The following ZNF574 variants were observed in gnomAD, a reference collection of about 807,000 sequenced individuals.
ZNF574 encodes the protein zinc finger protein 574.
In ZNF574, 25 loss-of-function variants were observed where a neutral mutation model predicts 56.6. The ratio of observed to expected loss-of-function variants is 0.44; its 90% CI spans 0.32 to 0.62. ZNF574 has a LOEUF of 0.62. Among genes scored for constraint, ZNF574 ranks in the 20% least tolerant of loss-of-function variants. The pLI, the probability that ZNF574 is intolerant of heterozygous loss-of-function variation, is 0.04. For missense variants in ZNF574, 1,065 were observed against 1,218.9 expected, an observed-to-expected ratio of 0.87 and a Z score of 1.88; for synonymous variants, 543 against 492.1, an observed-to-expected ratio of 1.10 and a Z score of -1.37.
chr19:42,080,754 C>T lies in ZNF574; in HGVS notation c.2148C>T (p.Ala716=). The T allele has an allele frequency of 6.2e-7, 1 of 1,613,972 alleles. No homozygotes were observed. The highest frequency in any genetic ancestry group is 8.5e-7 in the Non-Finnish European group (1 of 1,180,038). ...RAPRATRAPV[A]SPAALGSTAT... ...CACGGGCCACTCGTGCACCAGTTGC[C>T]TCTCCAGCAGCCCTTGGAAGCACTG... The change falls in exon 2 of 2, where the codon GCC becomes GCT. Residue 716 remains alanine (A), a synonymous_variant. Coordinates refer to ENST00000359044, the MANE Select transcript of ZNF574 (RefSeq NM_022752.6). The surrounding 1 kb of genome is among the most constrained non-coding windows in gnomAD (Gnocchi z 8.5).
At chr19:42,068,561 C>T (rs1480575821) in exon 1 of ZNF574, 12 of 403,218 alleles carry the variant, frequency 3.0e-5, no homozygotes, top group Non-Finnish European at 5.2e-5. Context: ...GGAAGACAGC[C>T]TCCAAGCTCA....
upstream of ZNF574, among the ~76,000 whole-genome samples, chr19:42,075,738 G>C (rs1475116832): frequency 6.6e-6 from 1 of 151,894 alleles, no homozygotes; most frequent in Non-Finnish European, 1.5e-5. Context: ...AAGGTGCCGC[G>C]TGCCTCAATT....
rs139212245 is a variant in ZNF574 at position 42,079,478 on chromosome 19, G to A, written c.872G>A (p.Arg291His). ...GEAIGRDRRG[R>H]RARRNNSGEA... Reference sequence around the variant, plus strand: ...GCCATTGGGCGGGATCGCCGGGGGCGCAGGGCCCGGAGGAACAACAGTGGA... The same window carrying A: ...GCCATTGGGCGGGATCGCCGGGGGCACAGGGCCCGGAGGAACAACAGTGGA... The change falls in exon 2 of 2, where the codon CGC (arginine) becomes CAC (histidine). Residue 291 changes from arginine (R) to histidine (H), a missense_variant. Transcript: ENST00000359044. This position sits in a 1 kb window ranked among gnomAD's most constrained non-coding sequence, Gnocchi z 4.3. 2.3e-5 allele frequency: 37 copies of A among 1,613,392 alleles called. No individual in the cohort carries two copies. Among genetic ancestry groups the A allele is most frequent in the African/African-American group, 2.1e-4 (16 of 74,944 alleles).
Position 42,078,688 on chromosome 19 carries a change from C to T in ZNF574, c.82C>T (p.Leu28=). 1 of 1,614,130 alleles carries T rather than the reference C, an allele frequency of 6.2e-7. No homozygotes were observed. The highest frequency in any genetic ancestry group is 8.5e-7 in the Non-Finnish European group (1 of 1,179,996). ...TGAGTGCAACCAGCTGTATGGATCA[C>T]TGGAAGAGGTGCTTATGCACCAAAA... ...CSECNQLYGS[L]EEVLMHQNSH... Residue 28 remains leucine (L), a synonymous_variant, in exon 2 of 2, where the codon CTG becomes TTG. Coordinates refer to ENST00000359044, the MANE Select transcript of ZNF574 (RefSeq NM_022752.6).
chr19:42,080,542 CCCT>C lies in ZNF574; in HGVS notation c.1941_1943del (p.Ser648del). 1.2e-6 allele frequency: 2 copies of C among 1,613,308 alleles called. No homozygotes were observed. The highest frequency in any genetic ancestry group is 8.5e-7 in the Non-Finnish European group (1 of 1,179,808). On this transcript the variant is annotated inframe_deletion, in exon 2 of 2. Coordinates refer to ENST00000359044, the MANE Select transcript of ZNF574 (RefSeq NM_022752.6). The surrounding 1 kb of genome is among the most constrained non-coding windows in gnomAD (Gnocchi z 8.5). ...CTGCCCATCCTGTGGGGCTGCCTTC[CCCT>C]CCTCACTGCGGCTCCGGGAGCACCG...
chr19:42,068,671 G>A, exon 1 of ZNF574: 4 of 436,304 alleles, frequency 9.2e-6, no homozygotes, highest in Non-Finnish European at 1.6e-5. Flanking sequence ...GGGAAGCCAG[G>A]GTGGAGGAGT....
At chr19:42,068,958 C>T (rs755871191) in exon 1 of ZNF574, 17 of 610,092 alleles carry the variant, frequency 2.8e-5, no homozygotes, top group Admixed American at 1.6e-4. Context: ...GCCAGGGGCC[C>T]GGGGTAAGTG....
rs1425071782 is a variant in ZNF574 at position 42,080,277 on chromosome 19, C to T, written c.1671C>T (p.Gly557=). The stretch of plus-strand genomic sequence containing the variant: ...GGCCCTACCGGTGTGGGGACTGTGG[C>T]AAGGCTTTCACGCAAAGCTCCACAC... The part of the protein sequence containing the change: ...GERPYRCGDC[G]KAFTQSSTLR... Residue 557 remains glycine (G), a synonymous_variant, in exon 2 of 2, where the codon GGC becomes GGT. Coordinates refer to ENST00000359044, the MANE Select transcript of ZNF574 (RefSeq NM_022752.6). This position sits in a 1 kb window ranked among gnomAD's most constrained non-coding sequence, Gnocchi z 8.5. The T allele has an allele frequency of 1.9e-6, 3 of 1,614,128 alleles. No individual in the cohort carries two copies. Among genetic ancestry groups the T allele is most frequent in the Middle Eastern group, 1.6e-4 (1 of 6,062 alleles).
chr19:42,080,330 A>G lies in ZNF574; in HGVS notation c.1724A>G (p.Gln575Arg). 1 of 1,614,158 alleles carries G rather than the reference A, an allele frequency of 6.2e-7. No individual in the cohort carries two copies. Among genetic ancestry groups the G allele is most frequent in the Non-Finnish European group, 8.5e-7 (1 of 1,180,024 alleles). ...TLRQHRLVHAQHFPYRCQECG... is the reference protein window; with the variant it reads ...TLRQHRLVHARHFPYRCQECG... The stretch of plus-strand genomic sequence containing the variant: ...AGGCAGCACCGCTTGGTGCATGCCC[A>G]GCACTTCCCCTACCGCTGCCAGGAA... Residue 575 changes from glutamine to arginine, a missense_variant, in exon 2 of 2, where the codon CAG (glutamine) becomes CGG (arginine). By Grantham distance (43) the Gln-to-Arg change is conservative. Transcript: ENST00000359044. This position sits in a 1 kb window ranked among gnomAD's most constrained non-coding sequence, Gnocchi z 8.5.
upstream of ZNF574, among the ~76,000 whole-genome samples, chr19:42,075,412 C>T (rs955159348): frequency 9.2e-5 from 14 of 152,174 alleles, no homozygotes; most frequent in African/African-American, 3.4e-4. Flanking sequence ...CACCACACTC[C>T]CTATTTCTTC....
chr19:42,078,502 A>AGGTGGTC, intron 1 of ZNF574, 85 bp from the exon 2 acceptor site: 1 of 867,850 alleles, frequency 1.2e-6, no homozygotes, highest in Non-Finnish European at 1.5e-6. Context: ...GTGTAGATCT[A>AGGTGGTC]AGGTATTAGG....
In ZNF574 at chr19:42,078,749, G is replaced by A; in HGVS notation, c.143G>A (p.Gly48Asp). ...HVPQQHFELV[G>D]VADPGVTVAT... ...CCCCAGCAGCACTTTGAGCTGGTGG[G>A]CGTGGCTGATCCCGGAGTCACTGTG... Residue 48 changes from glycine to aspartate, a missense_variant, in exon 2 of 2, where the codon GGC (glycine) becomes GAC (aspartate). By Grantham distance (94) the Gly-to-Asp change is moderately conservative. Coordinates refer to ENST00000359044, the MANE Select transcript of ZNF574 (RefSeq NM_022752.6). The A allele has an allele frequency of 6.2e-7, 1 of 1,614,066 alleles. No homozygotes were observed. The highest frequency in any genetic ancestry group is 8.5e-7 in the Non-Finnish European group (1 of 1,179,972).
chr19:42,074,698 T>G (rs1308155691), upstream of ZNF574: 2 of 152,150 alleles, frequency 1.3e-5, no homozygotes, highest in Non-Finnish European at 2.9e-5. Context: ...GTTAGGGAAT[T>G]TAATCCATGA....
upstream of ZNF574, among the ~76,000 whole-genome samples, chr19:42,071,421 A>G (rs1203632208): frequency 2.0e-5 from 3 of 152,166 alleles, 1 homozygote; most frequent in South Asian, 4.1e-4. Flanking sequence ...GGCCCACAGC[A>G]TATGTGACCG....
At position 42,081,109 on chromosome 19, in the gene ZNF574, T is replaced by C; in HGVS notation, c.2503T>C (p.Ser835Pro). ...CTGTGGCAAGAGCTACCGCTCCTTC[T>C]CCAACCTCTGGAAGCACCGCAAGAC... Reference protein sequence around the residue: ...PDCGKSYRSFSNLWKHRKTHQ... With the variant: ...PDCGKSYRSFPNLWKHRKTHQ... Residue 835 changes from serine (S) to proline (P), a missense_variant, in exon 2 of 2, where the codon TCC (serine) becomes CCC (proline). Coordinates refer to ENST00000359044, the MANE Select transcript of ZNF574 (RefSeq NM_022752.6). 6.2e-7 allele frequency: 1 copy of C among 1,614,132 alleles called. No homozygotes were observed.
At chr19:42,069,140 C>CG (rs1438940817) in intron 1 of ZNF574, 8 of 405,452 alleles carry the variant, frequency 2.0e-5, no homozygotes, top group Non-Finnish European at 3.0e-5. Context: ...CTTGCCAGTC[C>CG]GGAGAACGGG....
In ZNF574 at chr19:42,079,879, G is replaced by A. The variant is rs1192105196; in HGVS notation, c.1273G>A (p.Val425Ile). ...VGGVPLPTTP[V>I]PPEEPVIGFP... ...GGGTGTCCCTCTGCCCACAACACCA[G>A]TCCCACCAGAGGAACCTGTCATTGG... The change falls in exon 2 of 2, where the codon GTC (valine) becomes ATC (isoleucine). Residue 425 changes from valine to isoleucine, a missense_variant. By Grantham distance (29) the Val-to-Ile change is conservative (BLOSUM62 3). Transcript: ENST00000359044. This position sits in a 1 kb window ranked among gnomAD's most constrained non-coding sequence, Gnocchi z 4.3. 6.2e-7 allele frequency: 1 copy of A among 1,613,980 alleles called. No individual in the cohort carries two copies. The highest frequency in any genetic ancestry group is 1.3e-5 in the African/African-American group (1 of 74,918).
In ZNF574 at chr19:42,081,096, C is replaced by A; in HGVS notation, c.2490C>A (p.Ser830Arg). ...ACTCCTGCCCTGACTGTGGCAAGAG[C>A]TACCGCTCCTTCTCCAACCTCTGGA... Reference protein sequence around the residue: ...RPYSCPDCGKSYRSFSNLWKH... With the variant: ...RPYSCPDCGKRYRSFSNLWKH... The change falls in exon 2 of 2, where the codon AGC (serine) becomes AGA (arginine). Residue 830 changes from serine to arginine, a missense_variant. By Grantham distance (110) the Ser-to-Arg change is moderately radical. Coordinates refer to ENST00000359044, the MANE Select transcript of ZNF574 (RefSeq NM_022752.6). The A allele has an allele frequency of 6.2e-7, 1 of 1,614,202 alleles. No homozygotes were observed. The highest frequency in any genetic ancestry group is 8.5e-7 in the Non-Finnish European group (1 of 1,180,048).
chr19:42,079,849 G>T lies in ZNF574; in HGVS notation c.1243G>T (p.Val415Leu), dbSNP rs775759035. 3.1e-6 allele frequency: 5 copies of T among 1,614,170 alleles called. No homozygotes were observed. The highest frequency in any genetic ancestry group is 4.2e-6 in the Non-Finnish European group (5 of 1,180,032). Residue 415 changes from valine to leucine, a missense_variant, in exon 2 of 2, where the codon GTA (valine) becomes TTA (leucine). Physicochemically the swap from Val to Leu is conservative, Grantham distance 32. Coordinates refer to ENST00000359044, the MANE Select transcript of ZNF574 (RefSeq NM_022752.6). The surrounding 1 kb of genome is among the most constrained non-coding windows in gnomAD (Gnocchi z 4.3). Reference sequence around the variant, plus strand: ...CCTTTATCACCGGCGTACTCATGGGGTAGGGGGTGTCCCTCTGCCCACAAC... The same window carrying T: ...CCTTTATCACCGGCGTACTCATGGGTTAGGGGGTGTCCCTCTGCCCACAAC... ...KFLYHRRTHGVGGVPLPTTPV... is the reference protein window; with the variant it reads ...KFLYHRRTHGLGGVPLPTTPV...
Sources: allele counts gnomAD v4.1 joint callset (sites outside exome capture counted in the v4.1 genomes callset), GRCh38; gene constraint gnomAD v4.1.1; non-coding constraint Gnocchi (gnomAD v3.1); transcripts MANE v1.5; gene names NCBI Gene and HGNC (gene_info 2026-07-23, HGNC 2026-07-21).